Variants in PTK2 observed in about 807,000 individuals in gnomAD.
The protein encoded by PTK2 is protein tyrosine kinase 2.
A neutral mutation model predicts 150.1 loss-of-function variants in PTK2; 45 were observed. That is an observed-to-expected ratio of 0.30 (90% CI 0.24 to 0.38). The LOEUF is 0.38. Among genes scored for constraint, PTK2 ranks in the 10% least tolerant of loss-of-function variants. PTK2 has a pLI of 1.00. For missense variants in PTK2, 919 were observed against 1,307.3 expected (o/e 0.70, Z 4.58); for synonymous variants, 432 against 449.2 (o/e 0.96, Z 0.48).
intron 22 of PTK2, among the ~76,000 whole-genome samples, chr8:140,734,374 C>CCAATT (rs1206745749): frequency 6.6e-6 from 1 of 152,176 alleles, no homozygotes; most frequent in African/African-American, 2.4e-5. Flanking sequence ...ATTCTAGACT[C>CCAATT]CAATTCAATT....
chr8:140,772,081 G>A (rs374651740), intron 14 of PTK2, among the ~76,000 whole-genome samples: 4 of 151,894 alleles, frequency 2.6e-5, no homozygotes, highest in East Asian at 1.9e-4. Context: ...AAGCCACCGC[G>A]CCCGGCCGAT....
chr8:140,671,914 AGAGT>A (rs1046292166), intron 29 of PTK2, among the ~76,000 whole-genome samples: 1 of 128,572 alleles, frequency 7.8e-6, no homozygotes, highest in Non-Finnish European at 1.6e-5. Context: ...CCTGGGCAAC[AGAGT>A]GAGACTCTGT....
At chr8:140,900,811 T>G (rs1427388177) in intron 2 of PTK2, among the ~76,000 whole-genome samples, 2 of 152,068 alleles carry the variant, frequency 1.3e-5, no homozygotes, top group South Asian at 4.2e-4. Flanking sequence ...AAATTAATAT[T>G]GTTAAAATGA....
chr8:140,967,682 A>AC (rs1222268045), intron 1 of PTK2, among the ~76,000 whole-genome samples: 2 of 151,696 alleles, frequency 1.3e-5, no homozygotes, highest in East Asian at 3.9e-4. Context: ...CTGGTCTCCA[A>AC]CTCCTGACCT....
At chr8:140,715,183 T>G (rs2100038986) in intron 23 of PTK2, among the ~76,000 whole-genome samples, 5 of 135,980 alleles carry the variant, frequency 3.7e-5, no homozygotes, top group South Asian at 2.6e-4. Flanking sequence ...TTTTTTTTTT[T>G]TTTTTTTTTG....
chr8:140,811,540 C>T (rs1010036018), intron 10 of PTK2, among the ~76,000 whole-genome samples: 4 of 152,190 alleles, frequency 2.6e-5, no homozygotes, highest in African/African-American at 9.7e-5. Flanking sequence ...ACCACCTCTC[C>T]AGCAAGGGTT....
chr8:140,986,790 T>C (rs566914129), intron 1 of PTK2, among the ~76,000 whole-genome samples: 5 of 152,232 alleles, frequency 3.3e-5, no homozygotes, highest in Admixed American at 1.3e-4. Context: ...CAAAAGTAAG[T>C]GTTCTCTGGA....
intron 5 of PTK2, among the ~76,000 whole-genome samples, chr8:140,857,972 C>T (rs1225795301): frequency 2.0e-5 from 3 of 152,026 alleles, no homozygotes; most frequent in East Asian, 3.9e-4. Flanking sequence ...ACTTCAGATG[C>T]TATAATTCAC....
rs2100040436 is a variant in PTK2, at chr8:140,717,589, T to G, written c.2142+9A>C. ...GTAACCCCAAAGTTGGGGTGGGGAC[T>G]GTAGCTACCTTGGGCGGTGCTTCAT... On this transcript the variant is annotated intron_variant, in intron 23 of 31. Coordinates refer to ENST00000522684, the Ensembl canonical transcript of PTK2. The G allele has an allele frequency of 8.7e-6, 14 of 1,604,046 alleles. No homozygotes were observed. The East Asian group carries it at 2.9e-4, about 33-fold the overall frequency.
At chr8:140,743,130 A>T in intron 20 of PTK2, 100 bp downstream of exon 23, 1 of 786,188 alleles carries the variant, frequency 1.3e-6, no homozygotes, top group Non-Finnish European at 2.0e-6. Context: ...TTGATTTTAT[A>T]TCTCTGTCAA....
At chr8:140,910,388 T>C (rs1159645171) in intron 2 of PTK2, among the ~76,000 whole-genome samples, 1 of 152,126 alleles carries the variant, frequency 6.6e-6, no homozygotes, top group South Asian at 2.1e-4. Flanking sequence ...AATATAAATT[T>C]GTATCTTCAA....
In PTK2 at chr8:140,676,433, T is replaced by C. The variant is rs927561110; in HGVS notation, c.2563-934A>G. Among the ~76,000 whole-genome samples the C allele has an allele frequency of 2.0e-5, 3 of 151,386 alleles. No individual in the cohort carries two copies. In the South Asian group the frequency reaches 6.3e-4, roughly 32 times the overall value. On this transcript the variant is annotated intron_variant, in intron 27 of 31. Coordinates refer to ENST00000522684, the Ensembl canonical transcript of PTK2. ...TAATTAATATATATATTCCTGTCTT[T>C]TGCAGCAGTGGGGATGGATGCAGTA...
intron 1 of PTK2, among the ~76,000 whole-genome samples, chr8:140,981,600 G>A: frequency 6.6e-6 from 1 of 152,204 alleles, no homozygotes; most frequent in East Asian, 1.9e-4. Flanking sequence ...AGCTAAAAAT[G>A]GTTTTACATC....
At chr8:140,686,770 C>T (rs1252096889) in intron 26 of PTK2, 76 bp from the exon 30 acceptor site, 1 of 1,277,678 alleles carries the variant, frequency 7.8e-7, no homozygotes, top group Non-Finnish European at 1.1e-6. Context: ...TATTAAATTC[C>T]TTCCTTTTTA....
intron 22 of PTK2, among the ~76,000 whole-genome samples, chr8:140,732,233 G>A (rs952038833): frequency 6.6e-6 from 1 of 152,026 alleles, no homozygotes; most frequent in Non-Finnish European, 1.5e-5. Flanking sequence ...ATAAAATGGT[G>A]GCCTATTTGG....
At chr8:140,675,078 A>G (rs1009887141) in intron 28 of PTK2, among the ~76,000 whole-genome samples, 3 of 139,078 alleles carry the variant, frequency 2.2e-5, no homozygotes, top group Non-Finnish European at 4.8e-5. Flanking sequence ...AAAAAAAAAA[A>G]AGGAAAGAGA....
At chr8:140,837,609 A>G (rs950001680) in intron 7 of PTK2, among the ~76,000 whole-genome samples, 1 of 151,908 alleles carries the variant, frequency 6.6e-6, no homozygotes, top group African/African-American at 2.4e-5. Context: ...CACACCTGTA[A>G]TCCCTGATAC....
At chr8:140,878,459 G>A (rs2100146972) in intron 4 of PTK2, among the ~76,000 whole-genome samples, 1 of 152,120 alleles carries the variant, frequency 6.6e-6, no homozygotes, top group African/African-American at 2.4e-5. Flanking sequence ...AATTAGCTGG[G>A]CGTGGCGGTC....
intron 16 of PTK2, among the ~76,000 whole-genome samples, chr8:140,759,715 G>A (rs186630056): frequency 3.0e-4 from 45 of 151,948 alleles, no homozygotes; most frequent in African/African-American, 9.9e-4. Context: ...AATTAGCTAT[G>A]TGTGGTGGCA....
Sources: gnomAD v4.1 joint callset for allele counts (sites outside exome capture counted in the v4.1 genomes callset) on GRCh38, gnomAD v4.1.1 for gene constraint, MANE v1.5 for transcripts, NCBI Gene and HGNC (gene_info 2026-07-23, HGNC 2026-07-21) for gene names.